RBFOX3: variants seen among roughly 807,000 people sequenced by gnomAD.
The protein encoded by RBFOX3 is RNA binding protein fox-1 homolog 3.
A neutral mutation model predicts 48.7 loss-of-function variants in RBFOX3; 17 were observed. The observed-to-expected ratio is 0.35, with a 90% CI of 0.24 to 0.52. The LOEUF is 0.52. Ranked by LOEUF, RBFOX3 falls within the 20% of genes least tolerant of loss-of-function variation. RBFOX3 has a pLI of 0.94. For synonymous variants in RBFOX3, 212 were observed against 209.5 expected (o/e 1.01, Z -0.10); for missense variants, 382 against 497.5 (o/e 0.77, Z 2.21).
chr17:79,372,180 G>A (rs1161823085), intron 2 of RBFOX3, among the ~76,000 whole-genome samples: 1 of 152,036 alleles, frequency 6.6e-6, no homozygotes, highest in Non-Finnish European at 1.5e-5. Context: ...GGAACAGCCT[G>A]CCCCGGACAG....
chr17:79,189,758 C>T (rs887250858), intron 4 of RBFOX3, among the ~76,000 whole-genome samples: 1 of 152,222 alleles, frequency 6.6e-6, no homozygotes, highest in African/African-American at 2.4e-5. Flanking sequence ...CTGTCCTGCC[C>T]AAGCCTGTGC....
chr17:79,661,109 A>T, the RBFOX3 span, among the ~76,000 whole-genome samples: 1 of 152,084 alleles, frequency 6.6e-6, no homozygotes, highest in Non-Finnish European at 1.5e-5. Context: ...GGGGAATAAC[A>T]CACACTGAGG....
At position 79,479,886 on chromosome 17, in the gene RBFOX3, C is replaced by T. The variant is rs34183820; in HGVS notation, c.-175+2568G>A. On this transcript the variant is annotated intron_variant, in intron 2 of 14. Transcript: ENST00000693108. This position sits in a 1 kb window ranked among gnomAD's most constrained non-coding sequence, Gnocchi z 5.1. ...GCCCTCCCCTAGGGACAGAGCTGCA[C>T]GCATCTTCTTGGAACTAGGCGTCTG... is the stretch of plus-strand genomic sequence containing the variant. 0.15 allele frequency among the ~76,000 whole-genome samples: 22,474 copies of T among 152,180 alleles called. 1,995 individuals carry two copies. Among genetic ancestry groups the T allele is most frequent in the East Asian group, 0.42 (2,180 of 5,166 alleles).
intron 2 of RBFOX3, among the ~76,000 whole-genome samples, chr17:79,322,633 C>T (rs1229222943): frequency 1.3e-5 from 2 of 152,156 alleles, no homozygotes; most frequent in African/African-American, 2.4e-5. Flanking sequence ...ACAGAGGAGA[C>T]ACAGCTGGGT....
At chr17:79,420,231 A>G (rs1555721547) in intron 2 of RBFOX3, among the ~76,000 whole-genome samples, 1 of 152,092 alleles carries the variant, frequency 6.6e-6, no homozygotes, top group African/African-American at 2.4e-5. Flanking sequence ...TAAAAAACAC[A>G]AATTGGCTGG....
the RBFOX3 span, among the ~76,000 whole-genome samples, chr17:79,658,063 A>G: frequency 6.6e-6 from 1 of 152,152 alleles, no homozygotes; most frequent in Admixed American, 6.5e-5. Flanking sequence ...CTTGAGTTTC[A>G]GTGGCCCCAA....
chr17:79,458,387 C>A (rs9912595), intron 2 of RBFOX3, among the ~76,000 whole-genome samples: 1 of 151,968 alleles, frequency 6.6e-6, no homozygotes, highest in Non-Finnish European at 1.5e-5. Context: ...ACCAGGAAAC[C>A]GAGATGGGGC....
chr17:79,253,394 T>C (rs935879346), intron 3 of RBFOX3, among the ~76,000 whole-genome samples: 2 of 152,220 alleles, frequency 1.3e-5, no homozygotes, highest in Non-Finnish European at 2.9e-5. Context: ...ACCTCTTCTG[T>C]ATCTATTTAT....
chr17:79,286,614 C>T (rs983619355), intron 3 of RBFOX3, among the ~76,000 whole-genome samples: 2 of 152,214 alleles, frequency 1.3e-5, no homozygotes, highest in Admixed American at 6.5e-5. Flanking sequence ...CTCCCAGCCT[C>T]GCCAGCCACC....
chr17:79,626,597 T>C, the RBFOX3 span, among the ~76,000 whole-genome samples: 1 of 152,194 alleles, frequency 6.6e-6, no homozygotes, highest in Non-Finnish European at 1.5e-5. Flanking sequence ...TCGTCCAGGA[T>C]AAAGACCACG....
intron 1 of RBFOX3, among the ~76,000 whole-genome samples, chr17:79,496,395 T>C (rs1030884143): frequency 4.6e-5 from 7 of 152,094 alleles, no homozygotes; most frequent in Non-Finnish European, 1.0e-4. Context: ...TCTTCCTCTC[T>C]CTAGGCCTAG....
chr17:79,644,009 A>C, the RBFOX3 span, among the ~76,000 whole-genome samples: 2 of 152,138 alleles, frequency 1.3e-5, no homozygotes, highest in African/African-American at 4.8e-5. Flanking sequence ...AAAAAGAGAA[A>C]ACACAAGAGA....
intron 3 of RBFOX3, among the ~76,000 whole-genome samples, chr17:79,277,883 G>A (rs2069295325): frequency 6.6e-6 from 1 of 152,238 alleles, no homozygotes; most frequent in Non-Finnish European, 1.5e-5. Context: ...GGGACTCACG[G>A]GGATGGGAGG....
intron 3 of RBFOX3, among the ~76,000 whole-genome samples, chr17:79,256,587 A>C (rs1440442529): frequency 6.6e-6 from 1 of 152,216 alleles, no homozygotes; most frequent in African/African-American, 2.4e-5. Flanking sequence ...CTTTAGGTGG[A>C]AGACACTGTG....
At chr17:79,616,179 C>T in the RBFOX3 span, among the ~76,000 whole-genome samples, 1,510 of 152,276 alleles carry the variant, frequency 9.9e-3, 25 homozygotes, top group African/African-American at 0.034. Context: ...GCCTTGCTTG[C>T]TTTCTCAGTC....
chr17:79,611,549 GA>G (rs1199502472), upstream of RBFOX3, among the ~76,000 whole-genome samples: 10 of 152,202 alleles, frequency 6.6e-5, no homozygotes, highest in Non-Finnish European at 5.9e-5. Context: ...CTTGGGGGCG[GA>G]TCAACCCAGG....
At chr17:79,399,775 C>G (rs2062545735) in intron 2 of RBFOX3, among the ~76,000 whole-genome samples, 1 of 152,222 alleles carries the variant, frequency 6.6e-6, no homozygotes, top group East Asian at 1.9e-4. Context: ...CCCCGGGGAG[C>G]AGCAGACACC....
chr17:79,411,108 ATTT>A (rs947536438), intron 2 of RBFOX3, among the ~76,000 whole-genome samples: 1 of 152,114 alleles, frequency 6.6e-6, no homozygotes, highest in Non-Finnish European at 1.5e-5. Flanking sequence ...CCTTGAGCAC[ATTT>A]TTTTCGTGCC....
At chr17:79,374,260 A>G (rs1051551287) in intron 2 of RBFOX3, among the ~76,000 whole-genome samples, 1 of 152,166 alleles carries the variant, frequency 6.6e-6, no homozygotes, top group Non-Finnish European at 1.5e-5. Flanking sequence ...GGCGTGAGAG[A>G]AGTAAAGACG....
Sources: gnomAD v4.1 joint callset for allele counts (sites outside exome capture counted in the v4.1 genomes callset) on GRCh38, gnomAD v4.1.1 for gene constraint, Gnocchi (gnomAD v3.1) non-coding constraint, MANE v1.5 for transcripts, NCBI Gene and HGNC (gene_info 2026-07-23, HGNC 2026-07-21) for gene names.